Variants in HTR2C observed in about 807,000 individuals in gnomAD.
HTR2C encodes the protein 5-hydroxytryptamine receptor 2C.
In HTR2C, 5 loss-of-function variants were observed where a neutral mutation model predicts 21.0. That is an observed-to-expected ratio of 0.24 (90% CI 0.12 to 0.50). The LOEUF (loss-of-function observed/expected upper bound fraction) is 0.50, where lower values mean the gene tolerates loss of function less well. HTR2C is among the 20% of genes least tolerant of loss of function. The pLI is 0.98. For missense variants in HTR2C, 271 were observed against 371.2 expected (o/e 0.73, Z 2.22); for synonymous variants, 150 against 145.3 (o/e 1.03, Z -0.23).
At chrX:114,663,287 C>T (rs1931057747) in intron 2 of HTR2C, among the ~76,000 whole-genome samples, 1 of 110,787 alleles carries the variant, frequency 9.0e-6, no homozygotes, top group Non-Finnish European at 1.9e-5. Flanking sequence ...AGCACTGTTT[C>T]ATTGAGGAGA....
At chrX:114,641,906 C>T (rs782260479) in intron 2 of HTR2C, among the ~76,000 whole-genome samples, 5 of 110,839 alleles carry the variant, frequency 4.5e-5, no homozygotes, top group South Asian at 7.8e-4. Flanking sequence ...CCCCACTCCC[C>T]GGCAAAAAGC....
intron 2 of HTR2C, among the ~76,000 whole-genome samples, chrX:114,628,649 T>C (rs1204583293): frequency 9.0e-6 from 1 of 110,934 alleles, no homozygotes; most frequent in African/African-American, 3.3e-5. Context: ...GACCAGTATT[T>C]GTTGCAACTA....
chrX:114,829,583 T>C (rs1217015708), intron 4 of HTR2C, among the ~76,000 whole-genome samples: 12 of 111,680 alleles, frequency 1.1e-4, no homozygotes, highest in African/African-American at 3.9e-4. Flanking sequence ...CCCTGTGTCC[T>C]TTTCTAAGTG....
At chrX:114,806,819 T>C (rs2070455415) in intron 4 of HTR2C, among the ~76,000 whole-genome samples, 1 of 99,188 alleles carries the variant, frequency 1.0e-5, no homozygotes, top group East Asian at 3.2e-4. Context: ...ATATATATAC[T>C]GTATATATAT....
intron 5 of HTR2C, among the ~76,000 whole-genome samples, chrX:114,885,183 A>G (rs2071211389): frequency 8.9e-6 from 1 of 111,944 alleles, no homozygotes; most frequent in Non-Finnish European, 1.9e-5. Context: ...AAAGTAAAAT[A>G]TGTATATACA....
intron 5 of HTR2C, among the ~76,000 whole-genome samples, chrX:114,864,030 A>G (rs1316076302): frequency 9.5e-6 from 1 of 105,620 alleles, no homozygotes; most frequent in Non-Finnish European, 1.9e-5. Flanking sequence ...ATGTCTTTAA[A>G]GCATAAGTGA....
chrX:114,668,336 A>T (rs1018992409), intron 2 of HTR2C, among the ~76,000 whole-genome samples: 2 of 111,863 alleles, frequency 1.8e-5, no homozygotes, highest in Non-Finnish European at 3.8e-5. Flanking sequence ...CACTTTAAGA[A>T]CATGTCTTAA....
chrX:114,893,804 A>G (rs1013048731), intron 5 of HTR2C, among the ~76,000 whole-genome samples: 8 of 112,299 alleles, frequency 7.1e-5, no homozygotes, highest in African/African-American at 9.7e-5. Flanking sequence ...ATATCTGACA[A>G]AAGACGTGTA....
chrX:114,720,064 C>A (rs782087387), intron 2 of HTR2C, among the ~76,000 whole-genome samples: 2 of 111,467 alleles, frequency 1.8e-5, no homozygotes, highest in Non-Finnish European at 3.8e-5. Flanking sequence ...CAGGATGGGA[C>A]CTTTTGGTTT....
rs782495311 is a variant in HTR2C, at chrX:114,896,073, C to T, written c.551-10516C>T. ...GTGTGTTCAACAAATTATTCTCAAA[C>T]GTTTTTCCAATTTTTCTTGTGATTT... is the stretch of plus-strand genomic sequence containing the variant. On this transcript the variant is annotated intron_variant, in intron 5 of 5. Coordinates refer to ENST00000276198, the MANE Select transcript of HTR2C (RefSeq NM_000868.4). 1.4e-4 allele frequency among the ~76,000 whole-genome samples: 16 copies of T among 110,967 alleles called. No individual in the cohort carries two copies. The South Asian group carries it at 5.7e-3, about 39-fold the overall frequency.
intron 5 of HTR2C, among the ~76,000 whole-genome samples, chrX:114,865,919 GA>G (rs1417080720): frequency 7.2e-5 from 8 of 110,968 alleles, no homozygotes; most frequent in African/African-American, 2.0e-4. Context: ...AGATTCAAGC[GA>G]TTCTCCTGCC....
intron 4 of HTR2C, among the ~76,000 whole-genome samples, chrX:114,778,828 T>A (rs987996907): frequency 9.0e-6 from 1 of 111,473 alleles, no homozygotes; most frequent in African/African-American, 3.3e-5. Context: ...GCTGTGCTAT[T>A]GGGCCAGGAA....
chrX:114,605,755 G>A (rs1556396596), intron 1 of HTR2C, among the ~76,000 whole-genome samples: 1 of 109,960 alleles, frequency 9.1e-6, no homozygotes, highest in South Asian at 4.0e-4. Flanking sequence ...GGAGTAGAAG[G>A]AGGAATGGAG....
chrX:114,851,442 T>C (rs190752191), intron 5 of HTR2C, among the ~76,000 whole-genome samples: 6 of 112,194 alleles, frequency 5.3e-5, no homozygotes, highest in Admixed American at 4.7e-4. Flanking sequence ...TTTGACCTAA[T>C]GGATTTCAAA....
chrX:114,758,725 C>G (rs2147375046), intron 4 of HTR2C, among the ~76,000 whole-genome samples: 1 of 111,618 alleles, frequency 9.0e-6, no homozygotes, highest in African/African-American at 3.3e-5. Context: ...AGCAAATCAC[C>G]AATGGTGAAA....
At chrX:114,893,314 TA>T (rs2071273026) in intron 5 of HTR2C, among the ~76,000 whole-genome samples, 1 of 111,267 alleles carries the variant, frequency 9.0e-6, no homozygotes, top group Admixed American at 9.7e-5. Flanking sequence ...ACATACAATA[TA>T]GCTAAAGTAA....
At chrX:114,800,828 G>T (rs1478627348) in intron 4 of HTR2C, among the ~76,000 whole-genome samples, 9 of 111,363 alleles carry the variant, frequency 8.1e-5, no homozygotes, top group African/African-American at 2.9e-4. Context: ...TATCCCATAG[G>T]AACAAGTTTC....
At chrX:114,727,909 G>A (rs1403904836) in intron 3 of HTR2C, among the ~76,000 whole-genome samples, 1 of 111,527 alleles carries the variant, frequency 9.0e-6, no homozygotes, top group Non-Finnish European at 1.9e-5. Flanking sequence ...ATAAAGAAGG[G>A]AAAAGAAGAG....
intron 1 of HTR2C, among the ~76,000 whole-genome samples, chrX:114,610,378 GCAT>G (rs1678572980): frequency 8.9e-6 from 1 of 111,881 alleles, no homozygotes; most frequent in Non-Finnish European, 1.9e-5. Flanking sequence ...GACTTTTAAA[GCAT>G]CATTTTGAAT....
Sources: allele counts gnomAD v4.1 joint callset (sites outside exome capture counted in the v4.1 genomes callset), GRCh38; gene constraint gnomAD v4.1.1; transcripts MANE v1.5; gene names NCBI Gene and HGNC (gene_info 2026-07-23, HGNC 2026-07-21).